The following MTUS2 variants were observed in gnomAD, a reference collection of about 807,000 sequenced individuals.
The protein encoded by MTUS2 is microtubule-associated tumor suppressor candidate 2.
A neutral mutation model predicts 114.1 loss-of-function variants in MTUS2; 40 were observed. That is an observed-to-expected ratio of 0.35 (90% CI 0.27 to 0.46). The LOEUF (loss-of-function observed/expected upper bound fraction) is 0.46. Ranked by LOEUF, MTUS2 falls within the 20% of genes least tolerant of loss-of-function variation. The pLI, the probability that MTUS2 is intolerant of heterozygous loss-of-function variation, is 1.00. For missense variants in MTUS2, 1,679 were observed against 1,705.4 expected (o/e 0.98, Z 0.27); for synonymous variants, 688 against 672.0 (o/e 1.02, Z -0.37).
chr13:29,148,949 TG>T (rs1236317560), intron 5 of MTUS2, among the ~76,000 whole-genome samples: 2 of 152,242 alleles, frequency 1.3e-5, no homozygotes, highest in Non-Finnish European at 2.9e-5. Flanking sequence ...GCATTTAGGT[TG>T]ATTCCATGTC....
chr13:29,206,773 A>G (rs987273350), intron 5 of MTUS2, among the ~76,000 whole-genome samples: 2 of 152,044 alleles, frequency 1.3e-5, no homozygotes, highest in African/African-American at 4.8e-5. Context: ...CTGTGAACCT[A>G]TTTTCATATC....
intron 5 of MTUS2, among the ~76,000 whole-genome samples, chr13:29,107,073 C>T (rs1179684845): frequency 2.0e-5 from 3 of 152,144 alleles, no homozygotes; most frequent in Admixed American, 6.5e-5. Flanking sequence ...TCCCTACCCG[C>T]ACCACCTGCC....
chr13:28,888,316 A>G (rs1878708330), intron 2 of MTUS2, among the ~76,000 whole-genome samples: 1 of 152,190 alleles, frequency 6.6e-6, no homozygotes, highest in Non-Finnish European at 1.5e-5. Flanking sequence ...AATGTTTTAA[A>G]TAGGACAGTG....
intron 8 of MTUS2, among the ~76,000 whole-genome samples, chr13:29,425,273 CG>C (rs1037414476): frequency 2.6e-5 from 4 of 151,920 alleles, no homozygotes; most frequent in Admixed American, 2.6e-4. Context: ...ATTACCTGGG[CG>C]TGATGGCACG....
chr13:29,457,922 A>G (rs969060982), intron 9 of MTUS2, among the ~76,000 whole-genome samples: 2 of 151,940 alleles, frequency 1.3e-5, no homozygotes, highest in Middle Eastern at 3.2e-3. Flanking sequence ...TTTTTTTTAA[A>G]TGTAGATTTT....
At chr13:29,176,704 C>T (rs1893788467) in intron 5 of MTUS2, among the ~76,000 whole-genome samples, 1 of 151,662 alleles carries the variant, frequency 6.6e-6, no homozygotes. Context: ...GACTTAATCA[C>T]TTCCCTACAG....
intron 8 of MTUS2, among the ~76,000 whole-genome samples, chr13:29,382,428 A>G (rs1421308001): frequency 6.6e-6 from 1 of 152,102 alleles, no homozygotes; most frequent in Non-Finnish European, 1.5e-5. Context: ...GGTGGAAGAG[A>G]TAATTGGGAG....
chr13:29,498,661 G>A, intron 14 of MTUS2, 124 bp downstream of exon 14: 1 of 1,317,710 alleles, frequency 7.6e-7, no homozygotes, highest in South Asian at 1.5e-5. Context: ...CACCCAAGCA[G>A]AAAATCCCAC....
intron 4 of MTUS2, among the ~76,000 whole-genome samples, chr13:29,043,853 T>C (rs569620126): frequency 6.6e-6 from 1 of 152,060 alleles, no homozygotes; most frequent in African/African-American, 2.4e-5. Flanking sequence ...TTATATCACT[T>C]TGTATATGGT....
chr13:29,034,056 T>A lies in MTUS2; in HGVS notation c.2377T>A (p.Ser793Thr). 4.3e-6 allele frequency: 7 copies of A among 1,613,984 alleles called. No individual in the cohort carries two copies. Among genetic ancestry groups the A allele is most frequent in the Non-Finnish European group, 5.9e-6 (7 of 1,179,898 alleles). The part of the protein sequence containing the change: ...SRILIASQRS[S>T]ASAIHPPGPI... ...GATTCTGATTGCAAGTCAGAGGTCT[T>A]CAGCGAGCGCCATCCACCCACCAGG... is the stretch of plus-strand genomic sequence containing the variant. The change falls in exon 4 of 16, where the codon TCA becomes ACA. Residue 793 changes from serine (S) to threonine (T), a missense_variant. Physicochemically the swap from Ser to Thr is moderately conservative, Grantham distance 58. This residue lies in a region of MTUS2 where 822 missense variants were observed against 899.7 expected (regional missense o/e 0.91). Transcript: ENST00000612955.
intron 8 of MTUS2, among the ~76,000 whole-genome samples, chr13:29,435,348 A>C (rs1252996309): frequency 6.6e-6 from 1 of 152,202 alleles, no homozygotes; most frequent in Admixed American, 6.5e-5. Flanking sequence ...CTTGGCACTC[A>C]TTAGGAATTT....
rs369872616 is a variant in MTUS2 at position 29,390,675 on chromosome 13, A to G, written c.3117+31202A>G. Among the ~76,000 whole-genome samples the G allele has an allele frequency of 2.8e-3, 427 of 151,314 alleles. 2 individuals carry two copies. The highest frequency in any genetic ancestry group is 9.6e-3 in the African/African-American group (397 of 41,200). On this transcript the variant is annotated intron_variant, in intron 8 of 15. Transcript: ENST00000612955. ...TCAAAAAAAAAAAAAAGAAAGAAAG[A>G]AAATATGTATTAGGGTCCCCGTTGG...
intron 2 of MTUS2, among the ~76,000 whole-genome samples, chr13:28,996,511 G>T (rs1885113864): frequency 6.6e-6 from 1 of 152,160 alleles, no homozygotes; most frequent in Non-Finnish European, 1.5e-5. Flanking sequence ...GAATTCGGCT[G>T]TGAATCCATC....
intron 8 of MTUS2, among the ~76,000 whole-genome samples, chr13:29,395,670 G>A (rs1354040657): frequency 6.6e-6 from 1 of 152,194 alleles, no homozygotes; most frequent in Non-Finnish European, 1.5e-5. Flanking sequence ...TTTATAATCA[G>A]TCCACTAGGC....
intron 5 of MTUS2, among the ~76,000 whole-genome samples, chr13:29,156,354 T>C (rs374333380): frequency 6.6e-6 from 1 of 152,146 alleles, no homozygotes; most frequent in East Asian, 1.9e-4. Context: ...TGATCTTGAA[T>C]GTATCACCTA....
chr13:29,359,397 T>G lies in MTUS2; in HGVS notation c.3041T>G (p.Val1014Gly). ...RCEQQTRQLG[V>G]AQGELKRAIC... is the part of the protein sequence containing the mutation. Reference sequence around the variant, plus strand: ...GAGCAGCAGACCAGACAGCTGGGCGTTGCGCAAGGGGAGCTGAAGAGGGCC... The same window carrying G: ...GAGCAGCAGACCAGACAGCTGGGCGGTGCGCAAGGGGAGCTGAAGAGGGCC... The change falls in exon 8 of 16, where the codon GTT (valine) becomes GGT (glycine). Residue 1014 changes from valine (V) to glycine (G), a missense_variant. Around this residue, in one of 3 missense-constraint regions of MTUS2, gnomAD observed 822 missense variants for 899.7 expected, o/e 0.91. Coordinates refer to ENST00000612955, the MANE Select transcript of MTUS2 (RefSeq NM_001033602.4). 3 of 1,613,604 alleles carry G rather than the reference T, an allele frequency of 1.9e-6. No individual in the cohort carries two copies. Among genetic ancestry groups the G allele is most frequent in the Non-Finnish European group, 2.5e-6 (3 of 1,179,774 alleles).
Position 29,025,315 on chromosome 13 carries a change from G to C in MTUS2, c.617G>C (p.Arg206Pro). Residue 206 changes from arginine (R) to proline (P), a missense_variant, in exon 3 of 16, where the codon CGG becomes CCG. Around this residue, in one of 3 missense-constraint regions of MTUS2, gnomAD observed 843 missense variants for 770.8 expected, o/e 1.09. Coordinates refer to ENST00000612955, the MANE Select transcript of MTUS2 (RefSeq NM_001033602.4). ...CTATCCCTCGACTCCCGGGAAGCACGGGGTCAGATACCTGGGGGTGGGGAG... is the reference window on the plus strand; with the variant it reads ...CTATCCCTCGACTCCCGGGAAGCACCGGGTCAGATACCTGGGGGTGGGGAG... ...QPLSLDSREA[R>P]GQIPGGGEGP... The C allele has an allele frequency of 6.2e-7, 1 of 1,613,940 alleles. No homozygotes were observed. Among genetic ancestry groups the C allele is most frequent in the Non-Finnish European group, 8.5e-7 (1 of 1,179,890 alleles).
chr13:29,424,034 T>C, intron 8 of MTUS2, among the ~76,000 whole-genome samples: 1 of 146,616 alleles, frequency 6.8e-6, no homozygotes, highest in East Asian at 2.0e-4. Context: ...CTGGCTAATT[T>C]TTTTTTTTTT....
chr13:29,375,604 T>A (rs1241261637), intron 8 of MTUS2, among the ~76,000 whole-genome samples: 266 of 4,770 alleles, frequency 0.056, 47 homozygotes, highest in East Asian at 0.27. Context: ...TATATATATA[T>A]ATACGTATAT....
Sources: allele counts gnomAD v4.1 joint callset (sites outside exome capture counted in the v4.1 genomes callset), GRCh38; gene constraint gnomAD v4.1.1; regional missense constraint gnomAD v4.1.1; transcripts MANE v1.5; gene names NCBI Gene and HGNC (gene_info 2026-07-23, HGNC 2026-07-21).